The following DNM2 variants were observed in gnomAD, a reference collection of about 807,000 sequenced individuals.
The protein encoded by DNM2 is dynamin-2.
A neutral mutation model predicts 99.0 loss-of-function variants in DNM2; 15 were observed. The observed-to-expected ratio is 0.15, with a 90% CI of 0.10 to 0.23. The LOEUF (loss-of-function observed/expected upper bound fraction) is 0.23. DNM2 is among the 10% of genes least tolerant of loss of function. DNM2 has a pLI of 1.00. For missense variants in DNM2, 742 were observed against 1,189.4 expected, an observed-to-expected ratio of 0.62 and a Z score of 5.53; for synonymous variants, 525 against 481.2, an observed-to-expected ratio of 1.09 and a Z score of -1.19.
chr19:10,738,115 G>A (rs543867677), intron 1 of DNM2, among the ~76,000 whole-genome samples: 41 of 152,212 alleles, frequency 2.7e-4, no homozygotes, highest in Non-Finnish European at 5.3e-4. Context: ...GAAGTAGGCC[G>A]GACGTGGTGG....
In DNM2 at chr19:10,830,935, A is replaced by T. The variant is rs1171431309; in HGVS notation, c.2544-43A>T. 6.3e-7 allele frequency: 1 copy of T among 1,587,500 alleles called. No individual in the cohort carries two copies. Among genetic ancestry groups the T allele is most frequent in the African/African-American group, 1.4e-5 (1 of 73,966 alleles). On this transcript the variant is annotated intron_variant, in intron 20 of 20. Coordinates refer to ENST00000389253, the MANE Select transcript of DNM2 (RefSeq NM_001005361.3). The surrounding 1 kb of genome is among the most constrained non-coding windows in gnomAD (Gnocchi z 4.8). Reference sequence around the variant, plus strand: ...AGGCCTGCCTCTTGCTCCCGGCCTCACTGCCGTCTCCCCCTCCCCACCTGT... The same window carrying T: ...AGGCCTGCCTCTTGCTCCCGGCCTCTCTGCCGTCTCCCCCTCCCCACCTGT...
At chr19:10,761,497 C>G (rs956182214) in intron 2 of DNM2, among the ~76,000 whole-genome samples, 2 of 152,132 alleles carry the variant, frequency 1.3e-5, no homozygotes, top group African/African-American at 2.4e-5. Flanking sequence ...AGAAGCTAGA[C>G]CCGGGAGAGG....
At chr19:10,726,229 A>AACCAATG (rs2069111785) in intron 1 of DNM2, among the ~76,000 whole-genome samples, 1 of 116,004 alleles carries the variant, frequency 8.6e-6, no homozygotes, top group Non-Finnish European at 1.7e-5. Flanking sequence ...AAAAAAAAAA[A>AACCAATG]ATTTTTTTTT....
rs1440948974 is a variant in DNM2 at position 10,772,345 on chromosome 19, C to T, written c.236-134C>T. The T allele has an allele frequency of 1.1e-5, 13 of 1,182,254 alleles. No individual in the cohort carries two copies. The highest frequency in any genetic ancestry group is 2.4e-5 in the East Asian group (1 of 42,062). 73.2% of individuals were successfully genotyped at this position (1,182,254 alleles called of 1,614,324 possible). A position where few individuals can be genotyped will look rare whatever the true frequency, so the allele number is the denominator to read the frequency against. ...CTGCCCACCTCTGCCTCCCAAAGTG[C>T]TGGGATTACAGGCGTGAGCTACTGT... On this transcript the variant is annotated intron_variant, in intron 2 of 20. Coordinates refer to ENST00000389253, the MANE Select transcript of DNM2 (RefSeq NM_001005361.3). The surrounding 1 kb of genome is among the most constrained non-coding windows in gnomAD (Gnocchi z 4.9).
At chr19:10,752,598 C>T (rs2070234637) in intron 1 of DNM2, among the ~76,000 whole-genome samples, 1 of 152,216 alleles carries the variant, frequency 6.6e-6, no homozygotes, top group Non-Finnish European at 1.5e-5. Flanking sequence ...GCTCAGAAGG[C>T]CAGGTGCCCT....
chr19:10,815,479 G>A (rs961426720), intron 15 of DNM2, among the ~76,000 whole-genome samples: 1 of 152,170 alleles, frequency 6.6e-6, no homozygotes, highest in African/African-American at 2.4e-5. Flanking sequence ...GGAACCAGTG[G>A]GGGAATTCTG....
At chr19:10,787,325 G>C (rs1210145231) in intron 7 of DNM2, among the ~76,000 whole-genome samples, 1 of 152,048 alleles carries the variant, frequency 6.6e-6, no homozygotes, top group Non-Finnish European at 1.5e-5. Flanking sequence ...CAAAAAACTA[G>C]CCAGGCGTGG....
intron 2 of DNM2, among the ~76,000 whole-genome samples, chr19:10,760,827 A>AGTTTTTTTTTTTTTTTT (rs2070599969): frequency 2.4e-5 from 1 of 41,260 alleles, no homozygotes; most frequent in Non-Finnish European, 4.1e-5. Flanking sequence ...CACCCAGCTG[A>AGTTTTTTTTTTTTTTTT]TTTTTTTTTT....
intron 2 of DNM2, among the ~76,000 whole-genome samples, chr19:10,760,723 G>T (rs1439990777): frequency 6.6e-6 from 1 of 151,354 alleles, no homozygotes; most frequent in Admixed American, 6.6e-5. Flanking sequence ...CAGTGGTGTA[G>T]TCATAGCTCA....
In DNM2 at chr19:10,783,178, C is replaced by A. The variant is rs1002586209; in HGVS notation, c.849+58C>A. 6.9e-6 allele frequency: 11 copies of A among 1,592,412 alleles called. No individual in the cohort carries two copies. In the African/African-American group the frequency reaches 1.1e-4, roughly 15 times the overall value. On this transcript the variant is annotated intron_variant, in intron 6 of 20. Coordinates refer to ENST00000389253, the MANE Select transcript of DNM2 (RefSeq NM_001005361.3). ...GCATAGGCTGTGCACTGCACAACAG[C>A]TGCAATCCTCACTGGCACTTGTTTC...
At chr19:10,744,653 T>C (rs1041821575) in intron 1 of DNM2, among the ~76,000 whole-genome samples, 4 of 152,160 alleles carry the variant, frequency 2.6e-5, no homozygotes, top group African/African-American at 7.2e-5. Flanking sequence ...CTGACCACCC[T>C]GTAAGGGCTG....
In DNM2 at chr19:10,796,530, C is replaced by T. The variant is rs1362807099; in HGVS notation, c.1197-850C>T. Among the ~76,000 whole-genome samples the T allele has an allele frequency of 6.6e-6, 1 of 152,156 alleles. No homozygotes were observed. Among genetic ancestry groups the T allele is most frequent in the African/African-American group, 2.4e-5 (1 of 41,426 alleles). Reference sequence around the variant, plus strand: ...CCTCCTGGGAAGCAGAGAGGGACCCCCCGCGTCAACTGCTGGAGGCTGAGC... The same window carrying T: ...CCTCCTGGGAAGCAGAGAGGGACCCTCCGCGTCAACTGCTGGAGGCTGAGC... On this transcript the variant is annotated intron_variant, in intron 9 of 20. Coordinates refer to ENST00000389253, the MANE Select transcript of DNM2 (RefSeq NM_001005361.3). The surrounding 1 kb of genome is among the most constrained non-coding windows in gnomAD (Gnocchi z 5.6).
At chr19:10,734,888 C>T (rs2069468021) in intron 1 of DNM2, among the ~76,000 whole-genome samples, 1 of 150,480 alleles carries the variant, frequency 6.6e-6, no homozygotes, top group Non-Finnish European at 1.5e-5. Flanking sequence ...CAACTCAGCC[C>T]TTCCTTGTTT....
At chr19:10,742,621 C>T (rs1024647242) in intron 1 of DNM2, among the ~76,000 whole-genome samples, 8 of 152,186 alleles carry the variant, frequency 5.3e-5, no homozygotes, top group Non-Finnish European at 1.0e-4. Flanking sequence ...CTGAGCCTGG[C>T]CTTCCTGTCT....
intron 17 of DNM2, chr19:10,824,326 A>C: frequency 4.1e-6 from 1 of 244,002 alleles, no homozygotes; most frequent in South Asian, 4.8e-5. Flanking sequence ...ACATGGTGAA[A>C]CCCCGTCTCT....
rs1282941951 is a variant in DNM2 at position 10,726,939 on chromosome 19, C to T, written c.161+8536C>T. Among the ~76,000 whole-genome samples, 4 of 152,280 alleles carry T rather than the reference C, an allele frequency of 2.6e-5. No individual in the cohort carries two copies. In the East Asian group the frequency reaches 7.7e-4, roughly 29 times the overall value. On this transcript the variant is annotated intron_variant, in intron 1 of 20. Coordinates refer to ENST00000389253, the MANE Select transcript of DNM2 (RefSeq NM_001005361.3). ...GTGTCCAGACAACCGACTATCAACT[C>T]GCTACTCAGAGGGATCTAGAAGAAT...
chr19:10,729,434 T>A (rs1214040876), intron 1 of DNM2, among the ~76,000 whole-genome samples: 1 of 152,110 alleles, frequency 6.6e-6, no homozygotes, highest in Non-Finnish European at 1.5e-5. Flanking sequence ...GGGGAATGGC[T>A]GCAGGGGGCT....
chr19:10,785,317 C>T lies in DNM2; in HGVS notation c.850-1247C>T, dbSNP rs999108434. Among the ~76,000 whole-genome samples, 43 of 148,270 alleles carry T rather than the reference C, an allele frequency of 2.9e-4. 1 individual carries two copies. Among genetic ancestry groups the T allele is most frequent in the Admixed American group, 1.7e-3 (25 of 14,784 alleles). On this transcript the variant is annotated intron_variant, in intron 6 of 20. Transcript: ENST00000389253. ...TTTTTTTTTGTATTTTTAGTAGAGA[C>T]GGGGTTTCACCGTGTTAGCTGGGAT...
chr19:10,740,896 G>A (rs983474553), intron 1 of DNM2, among the ~76,000 whole-genome samples: 2 of 152,048 alleles, frequency 1.3e-5, no homozygotes, highest in Non-Finnish European at 2.9e-5. Flanking sequence ...TCTTTCTTGT[G>A]TTCATTTCTA....
Sources: allele counts gnomAD v4.1 joint callset (sites outside exome capture counted in the v4.1 genomes callset), GRCh38; gene constraint gnomAD v4.1.1; non-coding constraint Gnocchi (gnomAD v3.1); transcripts MANE v1.5; gene names NCBI Gene and HGNC (gene_info 2026-07-23, HGNC 2026-07-21).